Variants in ESR1 observed in about 807,000 individuals in gnomAD.
ESR1 encodes estrogen receptor.
In ESR1, 12 loss-of-function variants were observed where a neutral mutation model predicts 52.7. That is an observed-to-expected ratio of 0.23 (90% CI 0.15 to 0.37). ESR1 has a LOEUF of 0.37. ESR1 is among the 10% of genes least tolerant of loss of function. ESR1 has a pLI of 1.00. For synonymous variants in ESR1, 305 were observed against 316.8 expected, an observed-to-expected ratio of 0.96 and a Z score of 0.39; for missense variants, 584 against 779.7, an observed-to-expected ratio of 0.75 and a Z score of 2.99.
rs774675899 is a variant in ESR1 at position 151,892,589 on chromosome 6, CT to C, written c.760+11836del. Among the ~76,000 whole-genome samples the C allele has an allele frequency of 3.7e-3, 451 of 121,756 alleles. 1 individual carries two copies. The highest frequency in any genetic ancestry group is 8.1e-3 in the African/African-American group (270 of 33,344). 79.9% of individuals were successfully genotyped at this position (121,756 alleles called of 152,430 possible). ...GCAGGACTCTGAAAAGATAACTAAG[CT>C]TTTTTTTTTTTTTTTTTCTGTTAGA... On this transcript the variant is annotated intron_variant, in intron 3 of 7. Coordinates refer to ENST00000206249, the MANE Select transcript of ESR1 (RefSeq NM_000125.4).
At chr6:152,009,699 G>A (rs1401247818) in intron 4 of ESR1, among the ~76,000 whole-genome samples, 1 of 152,050 alleles carries the variant, frequency 6.6e-6, no homozygotes, top group African/African-American at 2.4e-5. Context: ...CATCCACCTG[G>A]CATGCTATAT....
At chr6:151,787,026 C>T (rs1408696649) in intron 2 of ESR1, among the ~76,000 whole-genome samples, 1 of 152,154 alleles carries the variant, frequency 6.6e-6, no homozygotes, top group Non-Finnish European at 1.5e-5. Flanking sequence ...CCAGGCTGGT[C>T]GTGAACTCCT....
chr6:152,114,411 G>C (rs2051182670), intron 6 of ESR1, among the ~76,000 whole-genome samples: 1 of 152,032 alleles, frequency 6.6e-6, no homozygotes. Flanking sequence ...TCATCTCCTA[G>C]GATTCATAAA....
intron 4 of ESR1, among the ~76,000 whole-genome samples, chr6:152,001,981 TC>T (rs2041984403): frequency 6.6e-6 from 1 of 152,034 alleles, no homozygotes; most frequent in East Asian, 1.9e-4. Flanking sequence ...AGGGCTTTTC[TC>T]TGGCTTCCCA....
At chr6:151,850,859 G>C (rs1786557257) in intron 2 of ESR1, among the ~76,000 whole-genome samples, 1 of 152,130 alleles carries the variant, frequency 6.6e-6, no homozygotes, top group African/African-American at 2.4e-5. Flanking sequence ...TGAGTTAGCT[G>C]CATTACCTTT....
chr6:151,753,514 C>T (rs925548415), intron 2 of ESR1, among the ~76,000 whole-genome samples: 12 of 152,172 alleles, frequency 7.9e-5, no homozygotes, highest in South Asian at 2.1e-4. Flanking sequence ...GGCAAGGTTT[C>T]ACCGTGTTGA....
chr6:151,809,486 G>A (rs1778449458), intron 1 of ESR1, among the ~76,000 whole-genome samples: 1 of 152,202 alleles, frequency 6.6e-6, no homozygotes, highest in Non-Finnish European at 1.5e-5. Flanking sequence ...AAGCTTCAGG[G>A]CGCCACATGG....
At chr6:151,847,095 G>C (rs1040016229) in intron 2 of ESR1, among the ~76,000 whole-genome samples, 3 of 152,160 alleles carry the variant, frequency 2.0e-5, no homozygotes, top group Admixed American at 1.3e-4. Context: ...GACAGACATA[G>C]CCCAGGCAAG....
chr6:151,675,502 C>T (rs1336216033), intron 1 of ESR1, among the ~76,000 whole-genome samples: 1 of 151,852 alleles, frequency 6.6e-6, no homozygotes, highest in Non-Finnish European at 1.5e-5. Flanking sequence ...TCCCCTCCTC[C>T]CCACCGTCTG....
intron 1 of ESR1, among the ~76,000 whole-genome samples, chr6:151,667,698 T>G (rs892822987): frequency 6.6e-6 from 1 of 152,120 alleles, no homozygotes; most frequent in African/African-American, 2.4e-5. Context: ...CCAGTCCTTG[T>G]TTGCAGGGAG....
chr6:151,804,176 G>A (rs1260294481), upstream of ESR1, among the ~76,000 whole-genome samples: 2 of 152,106 alleles, frequency 1.3e-5, no homozygotes, highest in African/African-American at 2.4e-5. Flanking sequence ...CCAAGCCCAG[G>A]GACAAGGCTC....
chr6:151,829,425 AT>A (rs564218656), intron 1 of ESR1, among the ~76,000 whole-genome samples: 1 of 151,478 alleles, frequency 6.6e-6, no homozygotes, highest in East Asian at 1.9e-4. Context: ...TAGAAAAGTG[AT>A]TTTTTTTGTG....
chr6:151,755,188 T>A (rs1784186815), intron 2 of ESR1, among the ~76,000 whole-genome samples: 1 of 144,916 alleles, frequency 6.9e-6, no homozygotes. Flanking sequence ...CCAGCCTGGG[T>A]GACAGAGTGA....
chr6:151,763,310 C>T (rs117354124), intron 2 of ESR1, among the ~76,000 whole-genome samples: 2,011 of 152,062 alleles, frequency 0.013, 24 homozygotes, highest in Non-Finnish European at 0.018. Context: ...AGGTACACTT[C>T]TTTCATTATT....
chr6:151,905,016 G>T (rs1797228650), intron 3 of ESR1, among the ~76,000 whole-genome samples: 2 of 151,922 alleles, frequency 1.3e-5, no homozygotes, highest in African/African-American at 4.8e-5. Flanking sequence ...CTGATACAAG[G>T]CCAAAGAACT....
At position 152,018,565 on chromosome 6, in the gene ESR1, C is replaced by T. The variant is rs945321804; in HGVS notation, c.1235+6771C>T. 9.9e-5 allele frequency among the ~76,000 whole-genome samples: 15 copies of T among 151,948 alleles called. No individual in the cohort carries two copies. The East Asian group carries it at 1.6e-3, about 16-fold the overall frequency. ...ATGGGTGGTACACTCAAAGGAGGAC[C>T]GCACACATTGTAGTAGCTGGGGTGT... On this transcript the variant is annotated intron_variant, in intron 5 of 7. Transcript: ENST00000206249.
At chr6:152,033,730 G>A (rs1359853834) in intron 5 of ESR1, among the ~76,000 whole-genome samples, 1 of 152,186 alleles carries the variant, frequency 6.6e-6, no homozygotes, top group East Asian at 1.9e-4. Context: ...GTGGAATTCA[G>A]TGTGGCGATT....
chr6:151,755,479 T>C (rs893727573), intron 2 of ESR1, among the ~76,000 whole-genome samples: 5 of 152,160 alleles, frequency 3.3e-5, no homozygotes, highest in African/African-American at 4.8e-5. Context: ...GCTACCCACC[T>C]GCTCTTAGTT....
intron 3 of ESR1, among the ~76,000 whole-genome samples, chr6:151,943,377 C>A (rs2035323835): frequency 6.9e-6 from 1 of 145,420 alleles, no homozygotes; most frequent in East Asian, 2.0e-4. Context: ...GAGACTCCAT[C>A]TTAAAAAAAA....
Sources: allele counts gnomAD v4.1 joint callset (sites outside exome capture counted in the v4.1 genomes callset), GRCh38; gene constraint gnomAD v4.1.1; transcripts MANE v1.5; gene names NCBI Gene and HGNC (gene_info 2026-07-23, HGNC 2026-07-21).